Variants in ZUP1 observed in about 807,000 individuals in gnomAD.
ZUP1 encodes zinc finger-containing ubiquitin peptidase 1.
A neutral mutation model predicts 68.1 loss-of-function variants in ZUP1; 55 were observed. The observed-to-expected ratio is 0.81, with a 90% confidence interval of 0.65 to 1.01. The LOEUF is 1.01. Among genes scored for constraint, ZUP1 ranks in the 50% least tolerant of loss-of-function variants. The pLI is 0.00. For synonymous variants in ZUP1, 223 were observed against 221.5 expected, an observed-to-expected ratio of 1.01 and a Z score of -0.06; for missense variants, 684 against 674.9, an observed-to-expected ratio of 1.01 and a Z score of -0.15.
chr6:116,656,085 T>G (rs2882934), intron 5 of ZUP1, among the ~76,000 whole-genome samples: 28,172 of 151,512 alleles, frequency 0.19, 2,742 homozygotes, highest in East Asian at 0.29. Context: ...TTGTTTTTTT[T>G]TTGTTTTTTT....
chr6:116,644,540 G>C (rs910319937), intron 9 of ZUP1, among the ~76,000 whole-genome samples: 2 of 152,068 alleles, frequency 1.3e-5, no homozygotes, highest in Admixed American at 1.3e-4. Flanking sequence ...TCCTTTGTAG[G>C]GACATGGATG....
chr6:116,657,717 A>G (rs1776713592), intron 4 of ZUP1, among the ~76,000 whole-genome samples: 1 of 152,232 alleles, frequency 6.6e-6, no homozygotes, highest in African/African-American at 2.4e-5. Flanking sequence ...GTTTAACTGA[A>G]CACTTTCAAA....
chr6:116,644,355 C>T (rs754321910), intron 9 of ZUP1, among the ~76,000 whole-genome samples: 2 of 152,110 alleles, frequency 1.3e-5, no homozygotes, highest in Non-Finnish European at 2.9e-5. Flanking sequence ...ACCCAAAGGA[C>T]TATAAATCAT....
chr6:116,658,782 A>C (rs1346401165), intron 4 of ZUP1, 21 bp downstream of exon 4: 18 of 1,535,904 alleles, frequency 1.2e-5, no homozygotes, highest in Non-Finnish European at 1.3e-5. Context: ...AAAATATTAT[A>C]ATTGTTATTA....
At chr6:116,646,613 C>T (rs1272833777) in intron 8 of ZUP1, among the ~76,000 whole-genome samples, 2 of 152,166 alleles carry the variant, frequency 1.3e-5, no homozygotes, top group Admixed American at 6.5e-5. Flanking sequence ...CTCACTCCGC[C>T]GCCCAGGCTG....
rs751544526 is a variant in ZUP1 at position 116,645,893 on chromosome 6, G to A, written c.1510C>T (p.Arg504Ter). 52 of 1,613,182 alleles carry A rather than the reference G, an allele frequency of 3.2e-5. No individual in the cohort carries two copies. Among genetic ancestry groups the A allele is most frequent in the East Asian group, 6.7e-5 (3 of 44,792 alleles). ...TVIGIEEKKN[R>*]TLCLLILDPG... ...TCAAGTATTAGTAAGCATAATGTTC[G>A]GTTTTTTTTCTCTTCAATTCCAATA... Residue 504 changes from arginine (R) to a stop codon, truncating the protein, a stop_gained, in exon 9 of 10, where the codon CGA (arginine) becomes TGA (stop). Coordinates refer to ENST00000368576, the MANE Select transcript of ZUP1 (RefSeq NM_145062.3). LOFTEE classifies it high-confidence loss of function.
chr6:116,651,080 C>T (rs1423171034), intron 7 of ZUP1, among the ~76,000 whole-genome samples: 1 of 152,022 alleles, frequency 6.6e-6, no homozygotes, highest in Non-Finnish European at 1.5e-5. Context: ...AGTGCAAAAA[C>T]TTGAGGCCAT....
At chr6:116,635,967 T>A in intron 9 of ZUP1, 88 bp from the exon 10 acceptor site, 1 of 949,972 alleles carries the variant, frequency 1.1e-6, no homozygotes, top group Non-Finnish European at 1.5e-6. Flanking sequence ...AAATAAAATC[T>A]GGAATTTTTT....
intron 2 of ZUP1, among the ~76,000 whole-genome samples, chr6:116,661,949 T>C (rs1776855901): frequency 6.6e-6 from 1 of 152,156 alleles, no homozygotes; most frequent in African/African-American, 2.4e-5. Context: ...CATAATAAAC[T>C]GTAAAATAAG....
At chr6:116,653,134 C>T (rs1025103372) in intron 5 of ZUP1, among the ~76,000 whole-genome samples, 4 of 151,996 alleles carry the variant, frequency 2.6e-5, no homozygotes, top group African/African-American at 9.7e-5. Context: ...GGTGTTAGGA[C>T]AAGGGACATC....
chr6:116,653,620 G>T (rs1776579467), intron 5 of ZUP1, among the ~76,000 whole-genome samples: 2 of 152,078 alleles, frequency 1.3e-5, no homozygotes, highest in South Asian at 2.1e-4. Context: ...AATTAAAATA[G>T]TATATAACTG....
chr6:116,667,538 AAACCTATTTATCAACTGAT>A (rs1273522732), intron 1 of ZUP1, among the ~76,000 whole-genome samples: 1 of 152,180 alleles, frequency 6.6e-6, no homozygotes, highest in African/African-American at 2.4e-5. Context: ...TGAAGAGAAG[AAACCTATTTATCAACTGAT>A]ATATCTAAAT....
chr6:116,666,559 C>A, intron 2 of ZUP1, 75 bp downstream of exon 2: 2 of 1,348,264 alleles, frequency 1.5e-6, no homozygotes, highest in Middle Eastern at 2.4e-4. Context: ...AGCTGACTTA[C>A]AAACCAACTT....
At chr6:116,653,735 T>C (rs1046993421) in intron 5 of ZUP1, among the ~76,000 whole-genome samples, 1 of 151,956 alleles carries the variant, frequency 6.6e-6, no homozygotes, top group Admixed American at 6.6e-5. Flanking sequence ...GAGATCAAGA[T>C]TTGAGGCAGC....
At chr6:116,643,197 C>G (rs1272095097) in intron 9 of ZUP1, among the ~76,000 whole-genome samples, 3 of 152,116 alleles carry the variant, frequency 2.0e-5, no homozygotes, top group African/African-American at 4.8e-5. Context: ...AGGATACAAA[C>G]AAATGGAAGA....
rs1777039661 is a variant in ZUP1 at position 116,667,161 on chromosome 6, ACTGTTTCAC to A, written c.23_31del (p.Gly8_Thr10del). The A allele has an allele frequency of 6.3e-7, 1 of 1,596,138 alleles. No homozygotes were observed. The highest frequency in any genetic ancestry group is 8.5e-7 in the Non-Finnish European group (1 of 1,170,956). On this transcript the variant is annotated inframe_deletion, in exon 2 of 10. Coordinates refer to ENST00000368576, the MANE Select transcript of ZUP1 (RefSeq NM_145062.3). ...AGCTTTCATGTCTGGTTCTGAGGTT[ACTGTTTCAC>A]CACAAATATTACAGGAAAGCATGGT...
chr6:116,645,595 A>AAG, intron 9 of ZUP1, 119 bp downstream of exon 9: 1 of 797,714 alleles, frequency 1.3e-6, no homozygotes, highest in East Asian at 2.9e-5. Context: ...AAAAAAAAAA[A>AAG]AAAAAAGAAA....
intron 5 of ZUP1, among the ~76,000 whole-genome samples, chr6:116,654,573 T>C (rs867511394): frequency 7.9e-5 from 12 of 152,018 alleles, no homozygotes; most frequent in Admixed American, 2.0e-4. Context: ...TTGAGAACTT[T>C]GATTACATTC....
chr6:116,661,989 A>G (rs1776857130), intron 2 of ZUP1, among the ~76,000 whole-genome samples: 1 of 152,220 alleles, frequency 6.6e-6, no homozygotes, highest in Non-Finnish European at 1.5e-5. Flanking sequence ...GAAATAAAGG[A>G]GGGAACTGAA....
Sources: allele counts gnomAD v4.1 joint callset (sites outside exome capture counted in the v4.1 genomes callset), GRCh38; gene constraint gnomAD v4.1.1; transcripts MANE v1.5; gene names NCBI Gene and HGNC (gene_info 2026-07-23, HGNC 2026-07-21).